Variants in SPOCD1 observed in about 807,000 individuals in gnomAD.
The protein encoded by SPOCD1 is SPOC domain containing 1.
In SPOCD1, 64 loss-of-function variants were observed where a neutral mutation model predicts 92.2. That is an observed-to-expected ratio of 0.69 (90% confidence interval 0.57 to 0.86). The LOEUF (loss-of-function observed/expected upper bound fraction) is 0.86, where lower values mean the gene tolerates loss of function less well. Ranked by LOEUF, SPOCD1 falls within the 40% of genes least tolerant of loss-of-function variation. SPOCD1 has a pLI of 0.00. For missense variants in SPOCD1, 1,360 were observed against 1,543.1 expected (o/e 0.88, Z 1.99); for synonymous variants, 578 against 619.3 (o/e 0.93, Z 0.99).
At chr1:31,794,010 G>C in intron 11 of SPOCD1, 113 bp from the exon 12 acceptor site, 1 of 1,508,512 alleles carries the variant, frequency 6.6e-7, no homozygotes, top group Non-Finnish European at 9.0e-7. Context: ...CTGGGGCACG[G>C]GCACCCCTGC....
intron 2 of SPOCD1, among the ~76,000 whole-genome samples, chr1:31,811,846 C>A (rs903003695): frequency 6.6e-6 from 1 of 152,204 alleles, no homozygotes; most frequent in Non-Finnish European, 1.5e-5. Flanking sequence ...AAGGATGGAG[C>A]CTGGAGGAGC....
At chr1:31,792,652 G>A (rs1474413049) in intron 14 of SPOCD1, 26 bp downstream of exon 14, 1 of 1,549,670 alleles carries the variant, frequency 6.5e-7, no homozygotes, top group East Asian at 2.3e-5. Flanking sequence ...TAGGAAAAGA[G>A]GGGGTGCCCA....
In SPOCD1 at chr1:31,791,380, T is replaced by C. The variant is rs1647583053; in HGVS notation, c.2963-89A>G. ...CTTCTTCACAGTGAGATGGGGCCCA[T>C]GAGATGCTGGGAAAAGTAAGTAGGA... is the stretch of plus-strand genomic sequence containing the variant. On this transcript the variant is annotated intron_variant, in intron 15 of 15. Transcript: ENST00000360482. 6.4e-6 allele frequency: 7 copies of C among 1,099,102 alleles called. No individual in the cohort carries two copies. The South Asian group carries it at 6.4e-5, about 10-fold the overall frequency. 68.1% of individuals were successfully genotyped at this position (1,099,102 alleles called of 1,614,324 possible). A position where few individuals can be genotyped will look rare whatever the true frequency, so the allele number is the denominator to read the frequency against.
chr1:31,815,588 A>C (rs1199885598), intron 1 of SPOCD1, among the ~76,000 whole-genome samples: 2 of 152,218 alleles, frequency 1.3e-5, no homozygotes, highest in East Asian at 3.8e-4. Context: ...GCCGAGCTAC[A>C]GTGGCCTCCA....
chr1:31,796,452 G>A (rs756825699), intron 10 of SPOCD1, 138 bp downstream of exon 10: 9 of 1,333,556 alleles, frequency 6.7e-6, no homozygotes, highest in Non-Finnish European at 7.4e-6. Context: ...GTTAAGGATC[G>A]CTGTCCCCGT....
intron 2 of SPOCD1, among the ~76,000 whole-genome samples, chr1:31,804,961 A>G (rs1009519806): frequency 3.6e-5 from 5 of 138,388 alleles, no homozygotes; most frequent in African/African-American, 1.3e-4. Flanking sequence ...TTTGTGCTCA[A>G]ATTTCTTTTT....
At chr1:31,813,432 T>A (rs1223340187) in intron 2 of SPOCD1, among the ~76,000 whole-genome samples, 1 of 149,084 alleles carries the variant, frequency 6.7e-6, no homozygotes, top group Non-Finnish European at 1.5e-5. Context: ...GCCCAGCTAA[T>A]TTTTGTATTT....
At chr1:31,813,079 T>C (rs1649306072) in intron 2 of SPOCD1, among the ~76,000 whole-genome samples, 1 of 152,196 alleles carries the variant, frequency 6.6e-6, no homozygotes, top group African/African-American at 2.4e-5. Context: ...ATAGGGAACA[T>C]GGCTGGTCAC....
At chr1:31,810,581 C>T (rs1309586079) in intron 2 of SPOCD1, among the ~76,000 whole-genome samples, 1 of 152,106 alleles carries the variant, frequency 6.6e-6, no homozygotes, top group African/African-American at 2.4e-5. Flanking sequence ...CTCCTGAGCT[C>T]AAGCAATCCA....
chr1:31,803,712 G>A (rs1025668667), intron 2 of SPOCD1, among the ~76,000 whole-genome samples: 12 of 151,602 alleles, frequency 7.9e-5, no homozygotes, highest in Non-Finnish European at 1.3e-4. Flanking sequence ...CTGTACTCTA[G>A]CCTGGGTGAC....
rs532369196 is a variant in SPOCD1, at chr1:31,793,757, G to A, written c.2524C>T (p.Pro842Ser). The change falls in exon 12 of 16, where the codon CCA becomes TCA. Residue 842 changes from proline (P) to serine (S), a missense_variant. By Grantham distance (74) the Pro-to-Ser change is moderately conservative. Around this residue, in one of 3 missense-constraint regions of SPOCD1, gnomAD observed 614 missense variants for 757.8 expected, o/e 0.81. Transcript: ENST00000360482. Reference protein sequence around the residue: ...PKTRELSPTEPQDRVPPSGLH... With the variant: ...PKTRELSPTESQDRVPPSGLH... ...CTCCCAACCCCACACCTGTCCTGTG[G>A]TTCCGTGGGAGACAACTCCCTGGTT... 17 of 1,614,152 alleles carry A rather than the reference G, an allele frequency of 1.1e-5. No homozygotes were observed. The South Asian group carries it at 1.8e-4, about 17-fold the overall frequency.
chr1:31,790,846 G>A lies in SPOCD1; in HGVS notation c.3408C>T (p.Gly1136=), dbSNP rs544152325. The A allele has an allele frequency of 3.1e-4, 472 of 1,545,150 alleles. 10 individuals carry two copies. The South Asian group carries it at 5.4e-3, about 18-fold the overall frequency. ...VAPAGHGFGR[G]QHFHRDSCPH... Reference sequence around the variant, plus strand: ...GACAGGAGTCCCTGTGGAAGTGCTGGCCACGGCCAAAGCCATGACCAGCTG... The same window carrying A: ...GACAGGAGTCCCTGTGGAAGTGCTGACCACGGCCAAAGCCATGACCAGCTG... Residue 1136 remains glycine, a synonymous_variant, in exon 16 of 16, where the codon GGC becomes GGT. Coordinates refer to ENST00000360482, the MANE Select transcript of SPOCD1 (RefSeq NM_144569.7).
chr1:31,811,637 A>C (rs1296340586), intron 2 of SPOCD1, among the ~76,000 whole-genome samples: 3 of 152,154 alleles, frequency 2.0e-5, no homozygotes, highest in Non-Finnish European at 4.4e-5. Context: ...TCTCCAGGGG[A>C]AGGTGCTAAG....
At chr1:31,811,170 A>G (rs1258556194) in intron 2 of SPOCD1, among the ~76,000 whole-genome samples, 1 of 152,154 alleles carries the variant, frequency 6.6e-6, no homozygotes, top group Non-Finnish European at 1.5e-5. Context: ...GACATTTCTA[A>G]ATGTCTAAAG....
intron 2 of SPOCD1, among the ~76,000 whole-genome samples, chr1:31,802,718 G>C (rs1282579838): frequency 6.6e-6 from 1 of 152,116 alleles, no homozygotes; most frequent in Non-Finnish European, 1.5e-5. Context: ...CAAAACGAGC[G>C]TGTATTTCTT....
chr1:31,793,918 A>T (rs372879742), intron 11 of SPOCD1, 21 bp from the exon 12 acceptor site: 2 of 1,600,836 alleles, frequency 1.2e-6, no homozygotes, highest in South Asian at 1.1e-5. Context: ...CAGAGGCAGG[A>T]GCTGAAACAG....
rs1648160343 is a variant in SPOCD1, at chr1:31,798,190, C to T, written c.2145+17G>A. ...CCCTACATCCCCTCACCCATCCCGA[C>T]TGGGCTCAGCACTCACCCTTTTCTC... On this transcript the variant is annotated intron_variant, in intron 9 of 15. Transcript: ENST00000360482. This position sits in a 1 kb window ranked among gnomAD's most constrained non-coding sequence, Gnocchi z 4.1. 6.2e-7 allele frequency: 1 copy of T among 1,602,980 alleles called. No individual in the cohort carries two copies.
chr1:31,803,153 C>T (rs748623943), intron 2 of SPOCD1, among the ~76,000 whole-genome samples: 1 of 151,924 alleles, frequency 6.6e-6, no homozygotes, highest in Non-Finnish European at 1.5e-5. Flanking sequence ...ATGAGCGAAG[C>T]CTTTCAACAC....
At chr1:31,799,663 CCA>C in intron 6 of SPOCD1, 144 bp downstream of exon 6, 1 of 1,179,266 alleles carries the variant, frequency 8.5e-7, no homozygotes. Flanking sequence ...ACCCCTTCCC[CCA>C]CCCCTTTGGG....
Sources: allele counts gnomAD v4.1 joint callset (sites outside exome capture counted in the v4.1 genomes callset), GRCh38; gene constraint gnomAD v4.1.1; regional missense constraint gnomAD v4.1.1; non-coding constraint Gnocchi (gnomAD v3.1); transcripts MANE v1.5; gene names NCBI Gene and HGNC (gene_info 2026-07-23, HGNC 2026-07-21).